Variants in PATL2 observed in about 807,000 individuals in gnomAD.
The protein encoded by PATL2 is PAT1 homolog 2, also known as protein PAT1 homolog 2.
In PATL2, 73 loss-of-function variants were observed where a neutral mutation model predicts 77.0. That is an observed-to-expected ratio of 0.95 (90% CI 0.78 to 1.15). PATL2 has a LOEUF of 1.15. PATL2 is among the 50% of genes most tolerant of loss of function. The probability of loss-of-function intolerance (pLI) is 0.00; values close to 1 mark genes in which losing one functional copy is unlikely to be tolerated. For synonymous variants in PATL2, 265 were observed against 257.1 expected (o/e 1.03, Z -0.29); for missense variants, 618 against 655.4 (o/e 0.94, Z 0.62).
At chr15:44,696,592 AC>A (rs1405620869) in intron 3 of PATL2, among the ~76,000 whole-genome samples, 8 of 152,148 alleles carry the variant, frequency 5.3e-5, no homozygotes, top group Admixed American at 5.2e-4. Flanking sequence ...CCTACTGGAT[AC>A]TTTAATTCCC....
chr15:44,668,486 C>T lies in PATL2; in HGVS notation c.1225-4G>A. The T allele has an allele frequency of 6.5e-7, 1 of 1,549,662 alleles. No homozygotes were observed. Among genetic ancestry groups the T allele is most frequent in the Non-Finnish European group, 8.7e-7 (1 of 1,146,320 alleles). On this transcript the variant is annotated splice_polypyrimidine_tract_variant and splice_region_variant and intron_variant, in intron 14 of 17. Transcript: ENST00000682850. The stretch of plus-strand genomic sequence containing the variant: ...GTTTGAATAACATTTGTAGGGCCTG[C>T]AAGAAGATCAGTAAGCACCTCCCAA...
At chr15:44,671,201 A>C (rs529397632) in intron 9 of PATL2, among the ~76,000 whole-genome samples, 39 of 152,212 alleles carry the variant, frequency 2.6e-4, no homozygotes, top group African/African-American at 9.4e-4. Context: ...GTGAAAGTGA[A>C]ACAGCCAGCC....
At chr15:44,683,975 C>A (rs1388592147) in intron 3 of PATL2, among the ~76,000 whole-genome samples, 1 of 151,774 alleles carries the variant, frequency 6.6e-6, no homozygotes, top group African/African-American at 2.4e-5. Context: ...GGACCTCCAG[C>A]AAACTCCAAC....
rs1337073350 is a variant in PATL2, at chr15:44,710,871, C to G, written c.-195G>C. On this transcript the variant is annotated splice_region_variant and 5_prime_UTR_variant, in exon 2 of 18. The change abolishes the stop of an existing upstream ORF in the 5' untranslated region. Transcript: ENST00000682850. ...AAATCAACAGAACAAAGAAAATTACCTAAACAGCAAGGACATAGGGAGGAA... is the reference window on the plus strand; with the variant it reads ...AAATCAACAGAACAAAGAAAATTACGTAAACAGCAAGGACATAGGGAGGAA... 1 of 124,842 alleles carries G rather than the reference C, an allele frequency of 8.0e-6. No individual in the cohort carries two copies. The highest frequency in any genetic ancestry group is 2.7e-4 in the East Asian group (1 of 3,706). The allele number at this position is 124,842 out of a possible 1,614,324, so 7.7% of individuals were successfully genotyped here.
intron 3 of PATL2, among the ~76,000 whole-genome samples, chr15:44,689,611 A>G (rs1212632033): frequency 1.3e-5 from 2 of 149,310 alleles, no homozygotes; most frequent in Non-Finnish European, 2.9e-5. Context: ...TAACACAAGA[A>G]CAGAAAACCA....
rs139155776 is a variant in PATL2 at position 44,699,008 on chromosome 15, C to T, written c.-76+11088G>A. Among the ~76,000 whole-genome samples the T allele has an allele frequency of 6.3e-3, 958 of 152,270 alleles. 8 individuals carry two copies. Among genetic ancestry groups the T allele is most frequent in the African/African-American group, 0.021 (884 of 41,554 alleles). On this transcript the variant is annotated intron_variant, in intron 3 of 17. Transcript: ENST00000682850. ...GTCTGATGATCAATGATGGTGAGCA[C>T]CTTCTCAGATACCCGTTTGCCATTT...
At chr15:44,709,691 C>T (rs182087441) in intron 3 of PATL2, among the ~76,000 whole-genome samples, 153 of 152,172 alleles carry the variant, frequency 1.0e-3, no homozygotes, top group Middle Eastern at 6.8e-3. Context: ...TACAGGTATT[C>T]CCCCCCAAAG....
rs1417828069 is a variant in PATL2 at position 44,696,485 on chromosome 15, TTTTTACATCAAGC to T, written c.-76+13598_-76+13610del. Reference sequence around the variant, plus strand: ...TTTATATTTCTGTACTACTTGATTTTTTTTACATCAAGCTTATATAATTTTCCCAGTAAAAACA... The same window carrying T: ...TTTATATTTCTGTACTACTTGATTTTTTATATAATTTTCCCAGTAAAAACA... On this transcript the variant is annotated intron_variant, in intron 3 of 17. Coordinates refer to ENST00000682850, the MANE Select transcript of PATL2 (RefSeq NM_001387263.1). Among the ~76,000 whole-genome samples the T allele has an allele frequency of 2.2e-3, 341 of 152,358 alleles. 1 individual carries two copies. The highest frequency in any genetic ancestry group is 7.7e-3 in the African/African-American group (322 of 41,580).
intron 3 of PATL2, among the ~76,000 whole-genome samples, chr15:44,684,740 T>C (rs1026773337): frequency 5.9e-5 from 9 of 152,080 alleles, no homozygotes; most frequent in Admixed American, 3.3e-4. Flanking sequence ...TCAGGAAATA[T>C]GGAGAACACC....
intron 11 of PATL2, 100 bp from the exon 12 acceptor site, chr15:44,669,663 C>G: frequency 1.3e-6 from 2 of 1,514,006 alleles, no homozygotes; most frequent in Non-Finnish European, 1.8e-6. Context: ...AGGCTAGAAA[C>G]AAAGTCTGAT....
In PATL2 at chr15:44,705,811, G is replaced by GTTTTTTGTTTTT. The variant is rs1555390146; in HGVS notation, c.-76+4284_-76+4285insAAAAACAAAAAA. Among the ~76,000 whole-genome samples the GTTTTTTGTTTTT allele has an allele frequency of 2.1e-4, 29 of 135,412 alleles. 1 individual carries two copies. The highest frequency in any genetic ancestry group is 7.8e-4 in the African/African-American group (26 of 33,522). 88.8% of individuals were successfully genotyped at this position (135,412 alleles called of 152,430 possible). On this transcript the variant is annotated intron_variant, in intron 3 of 17. Transcript: ENST00000682850. The stretch of plus-strand genomic sequence containing the variant: ...TTTCTTTGAGTTTCCTCAAAACATT[G>GTTTTTTGTTTTT]TTTTTTTTTAGACAGAGTCTTGCTC...
intron 3 of PATL2, among the ~76,000 whole-genome samples, chr15:44,695,003 T>C (rs927895495): frequency 6.6e-6 from 1 of 151,954 alleles, no homozygotes; most frequent in African/African-American, 2.4e-5. Flanking sequence ...CTGGCCAACA[T>C]GGTGAAACCC....
At chr15:44,674,430 G>A in intron 5 of PATL2, 200 bp from the exon 6 acceptor site, 2 of 567,416 alleles carry the variant, frequency 3.5e-6, no homozygotes, top group Non-Finnish European at 3.1e-6. Context: ...AATAAGACTA[G>A]TGCAGTGGTC....
chr15:44,678,894 CA>C (rs2086062493), intron 3 of PATL2, among the ~76,000 whole-genome samples: 1 of 152,148 alleles, frequency 6.6e-6, no homozygotes, highest in South Asian at 2.1e-4. Flanking sequence ...TCTTTAATAG[CA>C]GTAGATCTAG....
chr15:44,669,877 G>A lies in PATL2; in HGVS notation c.779-3C>T, dbSNP rs2085581484. ...CAGGGAACCCTCGATTCGGACCACT[G>A]CATGAGAAGAGAGGCACATTTCCTT... On this transcript the variant is annotated splice_region_variant and splice_polypyrimidine_tract_variant and intron_variant, in intron 10 of 17. Coordinates refer to ENST00000682850, the MANE Select transcript of PATL2 (RefSeq NM_001387263.1). 1.3e-6 allele frequency: 2 copies of A among 1,551,520 alleles called. No individual in the cohort carries two copies. Among genetic ancestry groups the A allele is most frequent in the Non-Finnish European group, 1.7e-6 (2 of 1,146,942 alleles).
At chr15:44,673,527 G>C in intron 6 of PATL2, 150 bp from the exon 7 acceptor site, 1 of 1,001,788 alleles carries the variant, frequency 1.0e-6, no homozygotes, top group South Asian at 1.6e-5. Flanking sequence ...AGGCAGCTTT[G>C]GGGGCACCAG....
At chr15:44,696,436 G>T (rs1566867436) in intron 3 of PATL2, among the ~76,000 whole-genome samples, 1 of 152,186 alleles carries the variant, frequency 6.6e-6, no homozygotes, top group African/African-American at 2.4e-5. Context: ...ATTACTGGGA[G>T]AGGATTTGGG....
chr15:44,688,684 T>C (rs1280346523), intron 3 of PATL2, among the ~76,000 whole-genome samples: 1 of 152,162 alleles, frequency 6.6e-6, no homozygotes, highest in African/African-American at 2.4e-5. Context: ...CTGGACCCCT[T>C]CCTTACACTT....
At chr15:44,702,835 A>T (rs2141266810) in intron 3 of PATL2, among the ~76,000 whole-genome samples, 1 of 152,018 alleles carries the variant, frequency 6.6e-6, no homozygotes, top group Middle Eastern at 3.4e-3. Flanking sequence ...GTTTTTTTCC[A>T]TTGTGGTCAG....
Sources: allele counts gnomAD v4.1 joint callset (sites outside exome capture counted in the v4.1 genomes callset), GRCh38; gene constraint gnomAD v4.1.1; transcripts MANE v1.5; gene names NCBI Gene and HGNC (gene_info 2026-07-23, HGNC 2026-07-21).